The following FAM9B variants were observed in gnomAD, a reference collection of about 807,000 sequenced individuals.
The protein encoded by FAM9B is family with sequence similarity 9 member B.
FAM9B carries 18 observed loss-of-function variants against 16.6 expected under a neutral mutation model. That is an observed-to-expected ratio of 1.09 (90% CI 0.75 to 1.61). FAM9B has a LOEUF of 1.61. Among genes scored for constraint, FAM9B ranks in the 40% most tolerant of loss-of-function variants. The pLI is 0.00. For synonymous variants in FAM9B, 43 were observed against 42.6 expected (o/e 1.01, Z -0.03); for missense variants, 155 against 136.0 (o/e 1.14, Z -0.70).
At chrX:9,032,632 G>C (rs998288363) in intron 2 of FAM9B, 171 bp from the exon 3 acceptor site, 1 of 803,790 alleles carries the variant, frequency 1.2e-6, no homozygotes, top group African/African-American at 2.1e-5. Flanking sequence ...CCATTTTATC[G>C]AGGGACTTTT....
rs1376994729 is a variant in FAM9B, at chrX:9,028,278, G to C, written c.394-312C>G. Reference sequence around the variant, plus strand: ...TCCTATAATTTGTTGACCACAGATAGGTAAGATCTATACAGAAATTAACTA... The same window carrying C: ...TCCTATAATTTGTTGACCACAGATACGTAAGATCTATACAGAAATTAACTA... On this transcript the variant is annotated intron_variant, in intron 6 of 8. Coordinates refer to ENST00000327220, the MANE Select transcript of FAM9B (RefSeq NM_205849.3). Among the ~76,000 whole-genome samples the C allele has an allele frequency of 9.0e-5, 10 of 111,612 alleles. No individual in the cohort carries two copies. The Admixed American group carries it at 9.5e-4, about 11-fold the overall frequency.
chrX:9,027,820 T>A lies in FAM9B; in HGVS notation c.492+48A>T, dbSNP rs186086043. ...GAAACAAGCAGACTGTCTTCTATTA[T>A]GCACGTGTTGTATTTTATAATGTAT... On this transcript the variant is annotated intron_variant, in intron 7 of 8. Transcript: ENST00000327220. The A allele has an allele frequency of 1.1e-4, 110 of 979,398 alleles. No individual in the cohort carries two copies. In the African/African-American group the frequency reaches 1.9e-3, roughly 17 times the overall value. 80.7% of individuals were successfully genotyped at this position (979,398 alleles called of 1,213,427 possible). A position where few individuals can be genotyped will look rare whatever the true frequency, so the allele number is the denominator to read the frequency against.
In FAM9B at chrX:9,025,659, A is replaced by G. The variant is rs910111113; in HGVS notation, c.493-76T>C. 3.9e-6 allele frequency: 3 copies of G among 769,881 alleles called. No individual in the cohort carries two copies. In the African/African-American group the frequency reaches 6.3e-5, roughly 16 times the overall value. 63.4% of individuals were successfully genotyped at this position (769,881 alleles called of 1,213,427 possible). A position where few individuals can be genotyped will look rare whatever the true frequency, so the allele number is the denominator to read the frequency against. On this transcript the variant is annotated intron_variant, in intron 7 of 8. Coordinates refer to ENST00000327220, the MANE Select transcript of FAM9B (RefSeq NM_205849.3). ...TTTTAAACAGGGTTAATTAAATGTC[A>G]AAAGGAAACAGCTTTTAATATTCAA...
chrX:9,031,484 T>C (rs965198304), intron 4 of FAM9B: 2 of 111,735 alleles, frequency 1.8e-5, no homozygotes, highest in African/African-American at 6.5e-5. Flanking sequence ...TTCAATTTTC[T>C]CTTGTACTTT....
intron 7 of FAM9B, among the ~76,000 whole-genome samples, chrX:9,027,109 T>A (rs1490592268): frequency 1.8e-5 from 2 of 112,099 alleles, no homozygotes; most frequent in African/African-American, 6.5e-5. Context: ...AATTTGCTAA[T>A]GTGCTGTACA....
intron 7 of FAM9B, among the ~76,000 whole-genome samples, chrX:9,025,920 G>A (rs1474212468): frequency 9.0e-6 from 1 of 111,240 alleles, no homozygotes; most frequent in African/African-American, 3.3e-5. Flanking sequence ...TTTTCAGCAG[G>A]TAGCGACCCA....
intron 6 of FAM9B, 103 bp downstream of exon 6, chrX:9,029,204 T>C: frequency 1.5e-6 from 1 of 683,236 alleles, no homozygotes; most frequent in African/African-American, 2.2e-5. Flanking sequence ...CCCCCCTCTC[T>C]GGGCTCATGC....
Position 9,032,116 on chromosome X carries a change from C to A in FAM9B, c.181+14G>T, listed in dbSNP as rs765075527. 6 of 1,202,273 alleles carry A rather than the reference C, an allele frequency of 5.0e-6. No homozygotes were observed. The Admixed American group carries it at 1.4e-4, about 27-fold the overall frequency. ...AACAATTTTCATAAACTACAGATAACTCCTAAAACATACCTGCAGTATCTT... is the reference window on the plus strand; with the variant it reads ...AACAATTTTCATAAACTACAGATAAATCCTAAAACATACCTGCAGTATCTT... On this transcript the variant is annotated intron_variant, in intron 4 of 8. Transcript: ENST00000327220.
At chrX:9,032,000 C>G in intron 4 of FAM9B, 130 bp downstream of exon 4, 1 of 505,614 alleles carries the variant, frequency 2.0e-6, no homozygotes, top group South Asian at 5.2e-5. Flanking sequence ...ACATTAAATA[C>G]GTACGTTAAA....
intron 4 of FAM9B, 30 bp from the exon 5 acceptor site, chrX:9,030,390 A>G: frequency 9.1e-7 from 1 of 1,095,397 alleles, no homozygotes; most frequent in African/African-American, 1.8e-5. Flanking sequence ...GTAAATGAAA[A>G]TGGATTAAAA....
chrX:9,026,036 T>C (rs1407751158), intron 7 of FAM9B, among the ~76,000 whole-genome samples: 1 of 112,021 alleles, frequency 8.9e-6, no homozygotes, highest in Non-Finnish European at 1.9e-5. Context: ...GTTTGAAATA[T>C]ATACTCTTTA....
At chrX:9,027,360 C>A (rs761373368) in intron 7 of FAM9B, among the ~76,000 whole-genome samples, 1 of 111,748 alleles carries the variant, frequency 8.9e-6, no homozygotes, top group African/African-American at 3.3e-5. Flanking sequence ...AGTAAAAAAG[C>A]CATCCAGAAA....
intron 5 of FAM9B, 111 bp downstream of exon 5, chrX:9,030,150 G>A: frequency 1.7e-6 from 2 of 1,145,876 alleles, no homozygotes; most frequent in African/African-American, 1.8e-5. Flanking sequence ...AGTAAAATAT[G>A]TTGTTCACTA....
intron 5 of FAM9B, chrX:9,029,987 T>C (rs1921020912): frequency 2.4e-6 from 1 of 419,202 alleles, no homozygotes; most frequent in African/African-American, 2.5e-5. Context: ...CTACCATATT[T>C]CTAGAAATGG....
In FAM9B at chrX:9,027,959, A is replaced by C; in HGVS notation, c.401T>G (p.Phe134Cys). ...TTGCCACTTCTTCTGTTGTTCTTGAAATATTCTCTAGAATCCCAAAACAAA... is the reference window on the plus strand; with the variant it reads ...TTGCCACTTCTTCTGTTGTTCTTGACATATTCTCTAGAATCCCAAAACAAA... ...EGEEEELIRI[F>C]QEQQKKWQQY... Residue 134 changes from phenylalanine to cysteine, a missense_variant, in exon 7 of 9, where the codon TTT (phenylalanine) becomes TGT (cysteine). By Grantham distance (205) the Phe-to-Cys change is radical (BLOSUM62 -2). Transcript: ENST00000327220. The C allele has an allele frequency of 2.5e-6, 3 of 1,196,064 alleles. No individual in the cohort carries two copies. The highest frequency in any genetic ancestry group is 3.4e-6 in the Non-Finnish European group (3 of 882,200).
chrX:9,031,819 A>G, intron 4 of FAM9B: 1 of 238,979 alleles, frequency 4.2e-6, no homozygotes. Flanking sequence ...TGTGTATACT[A>G]AAAGGAACGA....
chrX:9,030,133 A>C (rs1296665554), intron 5 of FAM9B, 128 bp downstream of exon 5: 3 of 1,136,448 alleles, frequency 2.6e-6, no homozygotes, highest in Non-Finnish European at 3.5e-6. Context: ...TACTTAGAGA[A>C]CAATCAAGTA....
In FAM9B at chrX:9,025,069, C is replaced by A. The variant is rs926795240; in HGVS notation, c.*340G>T. On this transcript the variant is annotated 3_prime_UTR_variant, in exon 9 of 9. Coordinates refer to ENST00000327220, the MANE Select transcript of FAM9B (RefSeq NM_205849.3). ...GGAACTGATACAAATCCACAGAGGC[C>A]AAATCGAAATCTAAATTATCTTTAA... is the stretch of plus-strand genomic sequence containing the variant. 1 of 112,823 alleles carries A rather than the reference C, an allele frequency of 8.9e-6. No individual in the cohort carries two copies. Among genetic ancestry groups the A allele is most frequent in the Non-Finnish European group, 1.9e-5 (1 of 53,761 alleles). 9.3% of individuals were successfully genotyped at this position (112,823 alleles called of 1,213,427 possible). A position where few individuals can be genotyped will look rare whatever the true frequency, so the allele number is the denominator to read the frequency against.
chrX:9,033,293 G>A (rs1364239559), intron 1 of FAM9B: 2 of 1,073,685 alleles, frequency 1.9e-6, no homozygotes, highest in East Asian at 6.7e-5. Flanking sequence ...CCTCACACCT[G>A]AACTCCACGG....
Sources: allele counts gnomAD v4.1 joint callset (sites outside exome capture counted in the v4.1 genomes callset), GRCh38; gene constraint gnomAD v4.1.1; transcripts MANE v1.5; gene names NCBI Gene and HGNC (gene_info 2026-07-23, HGNC 2026-07-21).